The following HECTD4 variants were observed in gnomAD, a reference collection of about 807,000 sequenced individuals.
HECTD4 encodes the protein probable E3 ubiquitin-protein ligase HECTD4.
Under a neutral mutation model 471.5 loss-of-function variants are expected in HECTD4, and 114 were observed. The ratio of observed to expected loss-of-function variants is 0.24; its 90% CI spans 0.21 to 0.28. The LOEUF is 0.28. HECTD4 is among the 10% of genes least tolerant of loss of function. HECTD4 has a pLI of 1.00. For synonymous variants in HECTD4, 2,012 were observed against 2,256.0 expected, an observed-to-expected ratio of 0.89 and a Z score of 3.07; for missense variants, 3,866 against 5,651.5, an observed-to-expected ratio of 0.68 and a Z score of 10.13.
At chr12:112,375,211 G>T (rs1371392541) in intron 1 of HECTD4, among the ~76,000 whole-genome samples, 1 of 152,192 alleles carries the variant, frequency 6.6e-6, no homozygotes, top group Admixed American at 6.5e-5. Flanking sequence ...AATCCATGTT[G>T]TGAGTACCAA....
intron 64 of HECTD4, among the ~76,000 whole-genome samples, chr12:112,178,539 C>G (rs896850530): frequency 6.6e-6 from 1 of 152,146 alleles, no homozygotes; most frequent in South Asian, 2.1e-4. Flanking sequence ...CAGAAAGGGC[C>G]CAGACACCCA....
chr12:112,256,838 C>T, intron 20 of HECTD4: 1 of 162,456 alleles, frequency 6.2e-6, no homozygotes. Flanking sequence ...AAGACCTGAT[C>T]AATTCTCATT....
chr12:112,192,672 G>A lies in HECTD4; in HGVS notation c.9180C>T (p.Ala3060=), dbSNP rs375884148. 30 of 1,605,040 alleles carry A rather than the reference G, an allele frequency of 1.9e-5. No homozygotes were observed. The highest frequency in any genetic ancestry group is 4.0e-5 in the African/African-American group (3 of 74,908). The change falls in exon 59 of 76, where the codon GCC becomes GCT. Residue 3060 remains alanine (A), a synonymous_variant. Coordinates refer to ENST00000682272, the MANE Select transcript of HECTD4 (RefSeq NM_001388303.1). The stretch of plus-strand genomic sequence containing the variant: ...GGGACGCGTCCCGCGGGTAACAGGC[G>A]GCCTCGATGAGGTTCAGCTGGCCAT... ...KRNGQLNLIE[A]ACYPRDASPA... is the part of the protein sequence containing the mutation.
At position 112,325,587 on chromosome 12, in the gene HECTD4, A is replaced by ACTGC. The variant is rs2035725638; in HGVS notation, c.178-5849_178-5846dup. On this transcript the variant is annotated intron_variant, in intron 1 of 75. Transcript: ENST00000682272. ...TTGTCTCAGATCCTCACATAAAACCACTGCTCTTGACCAAAATGTCATTAG... is the reference window on the plus strand; with the variant it reads ...TTGTCTCAGATCCTCACATAAAACCACTGCCTGCTCTTGACCAAAATGTCATTAG... Among the ~76,000 whole-genome samples the ACTGC allele has an allele frequency of 2.6e-5, 4 of 152,362 alleles. No individual in the cohort carries two copies. The South Asian group carries it at 8.3e-4, about 32-fold the overall frequency.
rs756548028 is a variant in HECTD4 at position 112,179,034 on chromosome 12, A to G, written c.11260T>C (p.Tyr3754His). 1 of 1,613,898 alleles carries G rather than the reference A, an allele frequency of 6.2e-7. No homozygotes were observed. The highest frequency in any genetic ancestry group is 1.1e-5 in the South Asian group (1 of 91,080). The change falls in exon 64 of 76, where the codon TAC becomes CAC. Residue 3754 changes from tyrosine to histidine, a missense_variant. This residue lies in a region of HECTD4 where 715 missense variants were observed against 1,087.6 expected (regional missense o/e 0.66). Coordinates refer to ENST00000682272, the MANE Select transcript of HECTD4 (RefSeq NM_001388303.1). This position sits in a 1 kb window ranked among gnomAD's most constrained non-coding sequence, Gnocchi z 4.3. ...TGCTGCTCCTTCCCGGCCTTGCTGT[A>G]CTTGCTCTTGTCAAACTTGGGCTTT... ...VPKPKFDKSK[Y>H]SKAGKEQHPV...
chr12:112,314,548 TA>T lies in HECTD4; in HGVS notation c.696-3del. The T allele has an allele frequency of 6.8e-7, 1 of 1,464,482 alleles. No individual in the cohort carries two copies. The highest frequency in any genetic ancestry group is 1.2e-5 in the South Asian group (1 of 82,458). The allele number at this position is 1,464,482 out of a possible 1,614,324, so 90.7% of individuals were successfully genotyped here. A position where few individuals can be genotyped will look rare whatever the true frequency, so the allele number is the denominator to read the frequency against. ...TGGACGAAAGTTTTCAATGATCCCCTAAAAATAAAAGGAAGGAACAGTAAAT... is the reference window on the plus strand; with the variant it reads ...TGGACGAAAGTTTTCAATGATCCCCTAAAATAAAAGGAAGGAACAGTAAAT... On this transcript the variant is annotated splice_polypyrimidine_tract_variant and splice_region_variant and intron_variant, in intron 2 of 75. Transcript: ENST00000682272.
chr12:112,217,744 A>G (rs1391750364), intron 45 of HECTD4, among the ~76,000 whole-genome samples: 1 of 152,180 alleles, frequency 6.6e-6, no homozygotes, highest in Non-Finnish European at 1.5e-5. Context: ...ATTATCATCA[A>G]TTCCAAGGTC....
chr12:112,252,734 G>A (rs1483360310), intron 22 of HECTD4, among the ~76,000 whole-genome samples: 1 of 152,074 alleles, frequency 6.6e-6, no homozygotes, highest in African/African-American at 2.4e-5. Context: ...TCGCCTTTGG[G>A]ATGAGGCATC....
intron 55 of HECTD4, among the ~76,000 whole-genome samples, chr12:112,200,199 G>A (rs1042583497): frequency 6.6e-6 from 1 of 151,338 alleles, no homozygotes; most frequent in Non-Finnish European, 1.5e-5. Context: ...TGTCACCCGG[G>A]TTGGAGTGCA....
At chr12:112,242,454 A>T (rs1186113370) in intron 32 of HECTD4, among the ~76,000 whole-genome samples, 4 of 151,904 alleles carry the variant, frequency 2.6e-5, no homozygotes, top group Admixed American at 1.3e-4. Flanking sequence ...CTCTACAAAA[A>T]ATAAATACAT....
intron 62 of HECTD4, among the ~76,000 whole-genome samples, chr12:112,181,834 G>A (rs1374411085): frequency 6.6e-6 from 1 of 152,142 alleles, no homozygotes; most frequent in Non-Finnish European, 1.5e-5. Flanking sequence ...GTTCACACCT[G>A]TAATCCCAGC....
At chr12:112,165,308 T>G (rs542595027) in intron 72 of HECTD4, among the ~76,000 whole-genome samples, 1 of 151,796 alleles carries the variant, frequency 6.6e-6, no homozygotes, top group South Asian at 2.1e-4. Flanking sequence ...TGGCCCTGCC[T>G]GAAGTCAAAC....
At chr12:112,258,680 T>C in intron 19 of HECTD4, 84 bp from the exon 20 acceptor site, 5 of 1,059,338 alleles carry the variant, frequency 4.7e-6, no homozygotes, top group Non-Finnish European at 6.9e-6. Context: ...GAGGTCTCTC[T>C]TAAATCATCT....
chr12:112,222,282 C>T (rs2033118926), intron 44 of HECTD4, among the ~76,000 whole-genome samples: 1 of 152,108 alleles, frequency 6.6e-6, no homozygotes, highest in Admixed American at 6.6e-5. Flanking sequence ...GTCTGGAACC[C>T]CTGACCTCAG....
At chr12:112,286,022 T>C (rs1042573582) in intron 7 of HECTD4, among the ~76,000 whole-genome samples, 3 of 152,138 alleles carry the variant, frequency 2.0e-5, no homozygotes, top group African/African-American at 7.2e-5. Flanking sequence ...AATCAATAGA[T>C]ACCTTAAAAA....
At chr12:112,302,045 A>C in intron 7 of HECTD4, 1 of 1,295,076 alleles carries the variant, frequency 7.7e-7, no homozygotes, top group Non-Finnish European at 1.1e-6. Flanking sequence ...TTTGTCTTCC[A>C]AGTTCACCTG....
chr12:112,186,306 CT>C (rs34138419), intron 60 of HECTD4, among the ~76,000 whole-genome samples: 2,705 of 89,834 alleles, frequency 0.03, 67 homozygotes, highest in African/African-American at 0.082. Context: ...CTGGCATATT[CT>C]TTTTTTTTTT....
At chr12:112,309,803 A>G (rs529284425) in intron 4 of HECTD4, 134 bp from the exon 5 acceptor site, 171 of 511,624 alleles carry the variant, frequency 3.3e-4, no homozygotes, top group Non-Finnish European at 5.3e-4. Flanking sequence ...AAGAGCTTCA[A>G]TGTGACTTTC....
At position 112,235,143 on chromosome 12, in the gene HECTD4, T is replaced by G; in HGVS notation, c.5849A>C (p.Lys1950Thr). 6.2e-7 allele frequency: 1 copy of G among 1,612,634 alleles called. No homozygotes were observed. The highest frequency in any genetic ancestry group is 8.5e-7 in the Non-Finnish European group (1 of 1,179,272). Residue 1950 changes from lysine (K) to threonine (T), a missense_variant, in exon 37 of 76, where the codon AAG (lysine) becomes ACG (threonine). Lys to Thr is a moderately conservative substitution (Grantham distance 78). Around this residue, in one of 16 missense-constraint regions of HECTD4, gnomAD observed 617 missense variants for 915.1 expected, o/e 0.67. Coordinates refer to ENST00000682272, the MANE Select transcript of HECTD4 (RefSeq NM_001388303.1). The surrounding 1 kb of genome is among the most constrained non-coding windows in gnomAD (Gnocchi z 5.0). ...CCGCTTGTGGATAAATATCGAGAGCTTGCCATCCACAGCCTCACTCTCTTC... is the reference window on the plus strand; with the variant it reads ...CCGCTTGTGGATAAATATCGAGAGCGTGCCATCCACAGCCTCACTCTCTTC... The part of the protein sequence containing the change: ...PGEESEAVDG[K>T]LSIFIHKRED...
Sources: gnomAD v4.1 joint callset for allele counts (sites outside exome capture counted in the v4.1 genomes callset) on GRCh38, gnomAD v4.1.1 for gene constraint, gnomAD v4.1.1 regional missense constraint, Gnocchi (gnomAD v3.1) non-coding constraint, MANE v1.5 for transcripts, NCBI Gene and HGNC (gene_info 2026-07-23, HGNC 2026-07-21) for gene names.